KCNMA1: variants seen among roughly 807,000 people sequenced by gnomAD.
The protein encoded by KCNMA1 is potassium calcium-activated channel subfamily M alpha 1.
A neutral mutation model predicts 140.0 loss-of-function variants in KCNMA1; 29 were observed. The observed-to-expected ratio is 0.21, with a 90% CI of 0.15 to 0.28. KCNMA1 has a LOEUF of 0.28. Ranked by LOEUF, KCNMA1 falls within the 10% of genes least tolerant of loss-of-function variation. The pLI is 1.00. For missense variants in KCNMA1, 880 were observed against 1,602.2 expected, an observed-to-expected ratio of 0.55 and a Z score of 7.70; for synonymous variants, 612 against 611.9, an observed-to-expected ratio of 1.00 and a Z score of 0.00.
chr10:77,559,445 C>T (rs537904314), intron 1 of KCNMA1, among the ~76,000 whole-genome samples: 46 of 152,280 alleles, frequency 3.0e-4, no homozygotes, highest in African/African-American at 1.1e-3. Flanking sequence ...CCTCCCCACA[C>T]GGGCCCAGTC....
At chr10:77,542,135 G>A (rs1352335010) in intron 1 of KCNMA1, among the ~76,000 whole-genome samples, 4 of 152,206 alleles carry the variant, frequency 2.6e-5, no homozygotes, top group Non-Finnish European at 5.9e-5. Context: ...AAGGCTCCAT[G>A]TATGAAGCAG....
chr10:77,274,946 A>G (rs2066217536), intron 2 of KCNMA1, among the ~76,000 whole-genome samples: 1 of 152,212 alleles, frequency 6.6e-6, no homozygotes, highest in Non-Finnish European at 1.5e-5. Context: ...TTGGCTGGCC[A>G]TGGTGTCCAC....
Position 77,103,461 on chromosome 10 carries a change from G to A in KCNMA1, c.1223+5020C>T, listed in dbSNP as rs2097140754. ...TCCAGATACTGCTCTGTGCTGTGCG[G>A]CAGACTAACTAAGGAGTGAAAGGGA... On this transcript the variant is annotated intron_variant, in intron 9 of 27. Coordinates refer to ENST00000286628, the MANE Select transcript of KCNMA1 (RefSeq NM_001161352.2). 3.3e-5 allele frequency among the ~76,000 whole-genome samples: 5 copies of A among 152,340 alleles called. No homozygotes were observed. In the South Asian group the frequency reaches 1.0e-3, roughly 32 times the overall value.
chr10:77,157,803 C>T (rs2098505750), intron 5 of KCNMA1, among the ~76,000 whole-genome samples: 1 of 152,168 alleles, frequency 6.6e-6, no homozygotes, highest in Admixed American at 6.5e-5. Flanking sequence ...CTCCAAGCCC[C>T]ACTGCCTTTA....
chr10:77,311,033 G>C (rs2094637710), intron 2 of KCNMA1, among the ~76,000 whole-genome samples: 1 of 152,194 alleles, frequency 6.6e-6, no homozygotes. Flanking sequence ...GGCCACAGCT[G>C]CTGTCAGTTC....
chr10:77,288,666 G>A (rs1482885355), intron 2 of KCNMA1, among the ~76,000 whole-genome samples: 1 of 152,072 alleles, frequency 6.6e-6, no homozygotes, highest in Non-Finnish European at 1.5e-5. Context: ...GGAATCATGT[G>A]GTCTGTCTCC....
rs116644268 is a variant in KCNMA1 at position 77,459,234 on chromosome 10, C to T, written c.379-55211G>A. Among the ~76,000 whole-genome samples, 676 of 152,348 alleles carry T rather than the reference C, an allele frequency of 4.4e-3. 5 individuals are homozygous for T. The highest frequency in any genetic ancestry group is 0.016 in the African/African-American group (655 of 41,570). On this transcript the variant is annotated intron_variant, in intron 1 of 27. Coordinates refer to ENST00000286628, the MANE Select transcript of KCNMA1 (RefSeq NM_001161352.2). ...AATCACCAGCCCTTCCTGCACATCACCTCTGCTCTTGTTGAAGCACCTCTG... is the reference window on the plus strand; with the variant it reads ...AATCACCAGCCCTTCCTGCACATCATCTCTGCTCTTGTTGAAGCACCTCTG...
intron 15 of KCNMA1, among the ~76,000 whole-genome samples, chr10:77,032,871 A>G (rs1291944533): frequency 6.6e-6 from 1 of 152,174 alleles, no homozygotes; most frequent in African/African-American, 2.4e-5. Flanking sequence ...CTGCCATTAA[A>G]TCAGCCCCCT....
intron 1 of KCNMA1, among the ~76,000 whole-genome samples, chr10:77,488,411 G>A (rs1167097348): frequency 2.6e-5 from 4 of 152,176 alleles, no homozygotes; most frequent in African/African-American, 7.2e-5. Context: ...ATTGGCTGCC[G>A]GACCCTGAGC....
intron 6 of KCNMA1, among the ~76,000 whole-genome samples, chr10:77,119,402 A>G (rs1444843528): frequency 6.6e-6 from 1 of 152,178 alleles, no homozygotes; most frequent in East Asian, 1.9e-4. Flanking sequence ...GACAGACACT[A>G]CCCAATGTTA....
intron 1 of KCNMA1, among the ~76,000 whole-genome samples, chr10:77,482,486 C>T (rs1227655575): frequency 6.6e-6 from 1 of 152,202 alleles, no homozygotes; most frequent in Non-Finnish European, 1.5e-5. Context: ...TGTCTCTGAC[C>T]ACGCAGCAGA....
At position 76,903,928 on chromosome 10, in the gene KCNMA1, T is replaced by C. The variant is rs1288566532; in HGVS notation, c.3147+6038A>G. On this transcript the variant is annotated intron_variant, in intron 25 of 27. Transcript: ENST00000286628. ...CATATCTTCTGGGTACCCCAACTCA[T>C]CTACCCACTAAGCTCCCAAATATTA... The C allele has an allele frequency of 1.3e-5, 2 of 152,088 alleles. 1 individual carries two copies. The highest frequency in any genetic ancestry group is 2.9e-5 in the Non-Finnish European group (2 of 68,036). 9.4% of individuals were successfully genotyped at this position (152,088 alleles called of 1,614,324 possible).
chr10:77,202,483 G>A (rs562538010), intron 3 of KCNMA1, among the ~76,000 whole-genome samples: 23 of 152,110 alleles, frequency 1.5e-4, no homozygotes, highest in Admixed American at 2.6e-4. Flanking sequence ...CTTCCTTCAC[G>A]TACAGTTGGT....
At chr10:77,420,920 C>A (rs2096853617) in intron 1 of KCNMA1, among the ~76,000 whole-genome samples, 1 of 152,254 alleles carries the variant, frequency 6.6e-6, no homozygotes, top group African/African-American at 2.4e-5. Flanking sequence ...AGTTCTGCCC[C>A]TCATTCTCCA....
intron 25 of KCNMA1, among the ~76,000 whole-genome samples, chr10:76,893,725 G>A (rs1487890986): frequency 6.6e-6 from 1 of 152,150 alleles, no homozygotes; most frequent in Non-Finnish European, 1.5e-5. Context: ...GGGTGACAGA[G>A]TGAGATTCTG....
intron 1 of KCNMA1, among the ~76,000 whole-genome samples, chr10:77,618,409 G>C (rs867855140): frequency 6.6e-6 from 1 of 152,156 alleles, no homozygotes; most frequent in Non-Finnish European, 1.5e-5. Context: ...CCAGAGTCTA[G>C]ATACCATAAA....
chr10:76,989,023 C>T (rs571211884), intron 19 of KCNMA1, among the ~76,000 whole-genome samples: 171 of 152,212 alleles, frequency 1.1e-3, no homozygotes, highest in African/African-American at 4.0e-3. Flanking sequence ...CAACAGTTAG[C>T]ATTCATTGTG....
chr10:77,209,380 T>C (rs1194531389), intron 3 of KCNMA1, among the ~76,000 whole-genome samples: 4 of 152,178 alleles, frequency 2.6e-5, no homozygotes, highest in African/African-American at 9.6e-5. Flanking sequence ...GAGTATGACA[T>C]TTATTCATGT....
At chr10:77,269,291 G>A (rs981461070) in intron 2 of KCNMA1, among the ~76,000 whole-genome samples, 15 of 152,218 alleles carry the variant, frequency 9.9e-5, no homozygotes, top group Non-Finnish European at 8.8e-5. Flanking sequence ...ACAGGGTGAT[G>A]TTGAAATGGC....
Sources: gnomAD v4.1 joint callset for allele counts (sites outside exome capture counted in the v4.1 genomes callset) on GRCh38, gnomAD v4.1.1 for gene constraint, MANE v1.5 for transcripts, NCBI Gene and HGNC (gene_info 2026-07-23, HGNC 2026-07-21) for gene names.